Variants in GNAS observed in about 807,000 individuals in gnomAD.
GNAS encodes GNAS complex locus.
In GNAS, 8 loss-of-function variants were observed where a neutral mutation model predicts 54.5. The ratio of observed to expected loss-of-function variants is 0.15; its 90% CI spans 0.09 to 0.26. The LOEUF is 0.26. GNAS is among the 10% of genes least tolerant of loss of function. The probability of loss-of-function intolerance (pLI) is 1.00; values close to 1 mark genes in which losing one functional copy is unlikely to be tolerated. For missense variants in GNAS, 170 were observed against 529.8 expected, an observed-to-expected ratio of 0.32 and a Z score of 6.67; for synonymous variants, 204 against 191.4, an observed-to-expected ratio of 1.07 and a Z score of -0.54.
chr20:58,879,636 A>G (rs2088090109), intron 1 of GNAS, among the ~76,000 whole-genome samples: 1 of 152,202 alleles, frequency 6.6e-6, no homozygotes, highest in African/African-American at 2.4e-5. Flanking sequence ...TGCGGAAGGA[A>G]GGGTACACAC....
chr20:58,840,345 C>T (rs1413169794), upstream of GNAS: 7 of 1,613,226 alleles, frequency 4.3e-6, no homozygotes, highest in South Asian at 6.6e-5. The surrounding 1 kb of genome is among the most constrained non-coding windows in gnomAD (Gnocchi z 6.0). Context: ...CCTGAGTCCC[C>T]CGAATCGGAA....
chr20:58,858,992 T>C (rs2086639521), intron 1 of GNAS, among the ~76,000 whole-genome samples: 3 of 152,196 alleles, frequency 2.0e-5, no homozygotes, highest in African/African-American at 7.2e-5. Context: ...TTTTAATTCT[T>C]ACAGATTTCT....
In GNAS at chr20:58,853,668, G is replaced by A. The variant is rs1295350827; in HGVS notation, c.43+12782G>A. 6.2e-7 allele frequency: 1 copy of A among 1,613,454 alleles called. No individual in the cohort carries two copies. The highest frequency in any genetic ancestry group is 8.5e-7 in the Non-Finnish European group (1 of 1,179,824). On this transcript the variant is annotated intron_variant, in intron 1 of 12. Coordinates refer to the GNAS transcript ENST00000306090. The surrounding 1 kb of genome is among the most constrained non-coding windows in gnomAD (Gnocchi z 4.4). Reference sequence around the variant, plus strand: ...GGTCCATGCAGGCCTTGAGGCCTTCGGCCCAGCACTCATGGAGCCCGGAGC... The same window carrying A: ...GGTCCATGCAGGCCTTGAGGCCTTCAGCCCAGCACTCATGGAGCCCGGAGC...
In GNAS at chr20:58,910,408, C is replaced by A; in HGVS notation, c.1038+7C>A. 6.2e-7 allele frequency: 1 copy of A among 1,602,416 alleles called. No homozygotes were observed. The highest frequency in any genetic ancestry group is 1.1e-5 in the South Asian group (1 of 90,796). On this transcript the variant is annotated splice_region_variant and intron_variant, in intron 12 of 12. Coordinates refer to ENST00000371085, the MANE Select transcript of GNAS (RefSeq NM_000516.7). The surrounding 1 kb of genome is among the most constrained non-coding windows in gnomAD (Gnocchi z 5.8). ...CATTCGAGATGAGTTTCTGGTGAGT[C>A]GAGCCTGTCTTTAGTTTCCTCTCTT...
chr20:58,881,736 C>T (rs1441551351), intron 1 of GNAS: 2 of 152,160 alleles, frequency 1.3e-5, no homozygotes, highest in African/African-American at 4.8e-5. Context: ...GTAATCATAC[C>T]TTCCATATGT....
In GNAS at chr20:58,865,432, AT is replaced by A. The variant is rs570992076; in HGVS notation, c.43+24547del. Among the ~76,000 whole-genome samples, 1,039 of 147,984 alleles carry A rather than the reference AT, an allele frequency of 7.0e-3. 9 individuals are homozygous for A. Among genetic ancestry groups the A allele is most frequent in the African/African-American group, 0.024 (986 of 40,652 alleles). On this transcript the variant is annotated intron_variant, in intron 1 of 12. Coordinates refer to the GNAS transcript ENST00000306090. Reference sequence around the variant, plus strand: ...AAACTCCATCTCAAAAAATATATATATACACATATATTTTATATTATATATA... The same window carrying A: ...AAACTCCATCTCAAAAAATATATATAACACATATATTTTATATTATATATA...
rs2090340678 is a variant in GNAS, at chr20:58,898,924, C to CAGAA, written c.213-16_213-15insGAAA. Reference sequence around the variant, plus strand: ...GTGCCTTGCAGATTAGGTGAGCTTTCAATCTCTCTTTAAAAGGGGCGGCGA... The same window carrying CAGAA: ...GTGCCTTGCAGATTAGGTGAGCTTTCAGAAAATCTCTCTTTAAAAGGGGCGGCGA... On this transcript the variant is annotated splice_polypyrimidine_tract_variant and intron_variant, in intron 2 of 12. Coordinates refer to ENST00000371085, the MANE Select transcript of GNAS (RefSeq NM_000516.7). 6.2e-7 allele frequency: 1 copy of CAGAA among 1,611,276 alleles called. No individual in the cohort carries two copies. The highest frequency in any genetic ancestry group is 8.5e-7 in the Non-Finnish European group (1 of 1,177,506).
At position 58,895,335 on chromosome 20, in the gene GNAS, C is replaced by T. The variant is rs1157187343; in HGVS notation, c.140-277C>T. On this transcript the variant is annotated intron_variant, in intron 1 of 12. Coordinates refer to ENST00000371085, the MANE Select transcript of GNAS (RefSeq NM_000516.7). ...CTCTTTGCCCCTTTCCAACACCACC[C>T]CACAATTTTTTAAACAATCAAAAGA... is the stretch of plus-strand genomic sequence containing the variant. 6.7e-6 allele frequency: 3 copies of T among 451,080 alleles called. No homozygotes were observed. The Admixed American group carries it at 1.0e-4, about 15-fold the overall frequency. The allele number at this position is 451,080 out of a possible 1,614,324, so 27.9% of individuals were successfully genotyped here.
At chr20:58,843,606 T>C (rs1276375098) in intron 1 of GNAS, among the ~76,000 whole-genome samples, 1 of 152,194 alleles carries the variant, frequency 6.6e-6, no homozygotes, top group Non-Finnish European at 1.5e-5. Flanking sequence ...GTGAACCACA[T>C]AGGTGAATTA....
At chr20:58,907,989 T>C (rs1330622819) in intron 6 of GNAS, among the ~76,000 whole-genome samples, 1 of 152,234 alleles carries the variant, frequency 6.6e-6, no homozygotes, top group Non-Finnish European at 1.5e-5. Context: ...GTTGCCATGG[T>C]AACATGCTGG....
At chr20:58,899,703 A>AG (rs1491161388) in intron 3 of GNAS, among the ~76,000 whole-genome samples, 1 of 151,482 alleles carries the variant, frequency 6.6e-6, no homozygotes, top group East Asian at 1.9e-4. Context: ...ACGCACACAC[A>AG]TCACACGCAC....
Position 58,891,581 on chromosome 20 carries a change from G to A in GNAS, c.-146G>A. The A allele has an allele frequency of 1.0e-6, 1 of 970,666 alleles. No individual in the cohort carries two copies. The highest frequency in any genetic ancestry group is 1.2e-6 in the Non-Finnish European group (1 of 821,958). 60.1% of individuals were successfully genotyped at this position (970,666 alleles called of 1,614,324 possible). A position where few individuals can be genotyped will look rare whatever the true frequency, so the allele number is the denominator to read the frequency against. ...CGCGCCCCGCGGCCCGCGGCCCGCAGTCCGCCCCGCGCGCTCCTTGCCGAG... is the reference window on the plus strand; with the variant it reads ...CGCGCCCCGCGGCCCGCGGCCCGCAATCCGCCCCGCGCGCTCCTTGCCGAG... On this transcript the variant is annotated 5_prime_UTR_variant, in exon 1 of 13. Transcript: ENST00000371085.
chr20:58,842,257 C>A, intron 1 of GNAS: 2 of 398,336 alleles, frequency 5.0e-6, no homozygotes, highest in South Asian at 1.3e-4. Context: ...TTTAAAAAAT[C>A]TCATCCGACT....
rs747604441 is a variant in GNAS, at chr20:58,911,123, CAAATG to C, written c.*299_*303del. ...AACAAATAAAATGAAATAAAAGAAA[CAAATG>C]AAATAAATATTGTGTTGTGCAGCAT... On this transcript the variant is annotated 3_prime_UTR_variant, in exon 13 of 13. Coordinates refer to ENST00000371085, the MANE Select transcript of GNAS (RefSeq NM_000516.7). The C allele has an allele frequency of 1.8e-5, 10 of 559,592 alleles. No individual in the cohort carries two copies. Among genetic ancestry groups the C allele is most frequent in the East Asian group, 1.1e-4 (3 of 28,278 alleles). 34.7% of individuals were successfully genotyped at this position (559,592 alleles called of 1,614,324 possible). A position where few individuals can be genotyped will look rare whatever the true frequency, so the allele number is the denominator to read the frequency against.
At chr20:58,881,357 T>G (rs1420682769) in intron 1 of GNAS, among the ~76,000 whole-genome samples, 1 of 152,240 alleles carries the variant, frequency 6.6e-6, no homozygotes, top group East Asian at 1.9e-4. Flanking sequence ...CTTTGTATGG[T>G]TGAGCTATTT....
At position 58,895,952 on chromosome 20, in the gene GNAS, A is replaced by G. The variant is rs566292856; in HGVS notation, c.212+268A>G. Among the ~76,000 whole-genome samples, 3 of 152,166 alleles carry G rather than the reference A, an allele frequency of 2.0e-5. No homozygotes were observed. In the South Asian group the frequency reaches 6.2e-4, roughly 32 times the overall value. The stretch of plus-strand genomic sequence containing the variant: ...TCCCAAGAAAATCGTGCCTGGTTGC[A>G]GGGGACGCTTGACAGCACTTGGCCC... On this transcript the variant is annotated intron_variant, in intron 2 of 12. Coordinates refer to ENST00000371085, the MANE Select transcript of GNAS (RefSeq NM_000516.7).
rs1480308109 is a variant in GNAS, at chr20:58,891,505, G to T, written c.-222G>T. The T allele has an allele frequency of 1.0e-6, 1 of 973,114 alleles. No individual in the cohort carries two copies. The highest frequency in any genetic ancestry group is 1.2e-6 in the Non-Finnish European group (1 of 821,578). The allele number at this position is 973,114 out of a possible 1,614,324, so 60.3% of individuals were successfully genotyped here. A position where few individuals can be genotyped will look rare whatever the true frequency, so the allele number is the denominator to read the frequency against. ...TCGGCCTCGGCTCGAGGGGCGGGGA[G>T]CTGCGCGCGCCCCTCGGTCCGACCG... On this transcript the variant is annotated 5_prime_UTR_variant, in exon 1 of 13. Coordinates refer to ENST00000371085, the MANE Select transcript of GNAS (RefSeq NM_000516.7).
At chr20:58,840,497 A>G, upstream of GNAS, 1 of 1,612,894 alleles carries the variant, frequency 6.2e-7, no homozygotes, top group Non-Finnish European at 8.5e-7. This position sits in a 1 kb window ranked among gnomAD's most constrained non-coding sequence, Gnocchi z 6.0. Flanking sequence ...CGAGCCTGAG[A>G]CCGCCCCCAC....
chr20:58,874,686 T>G (rs1325834809), intron 1 of GNAS, among the ~76,000 whole-genome samples: 1 of 151,862 alleles, frequency 6.6e-6, no homozygotes, highest in Admixed American at 6.6e-5. Context: ...TGGCCTGCCT[T>G]CTATCTTTGC....
Sources: allele counts gnomAD v4.1 joint callset (sites outside exome capture counted in the v4.1 genomes callset), GRCh38; gene constraint gnomAD v4.1.1; non-coding constraint Gnocchi (gnomAD v3.1); transcripts MANE v1.5; gene names NCBI Gene and HGNC (gene_info 2026-07-23, HGNC 2026-07-21).